Variants in PCDHA4 observed in about 807,000 individuals in gnomAD.
PCDHA4 encodes protocadherin alpha 4.
A neutral mutation model predicts 61.4 loss-of-function variants in PCDHA4; 49 were observed. The observed-to-expected ratio is 0.80, with a 90% CI of 0.63 to 1.01. The LOEUF (loss-of-function observed/expected upper bound fraction) is 1.01, where lower values mean the gene tolerates loss of function less well. Among genes scored for constraint, PCDHA4 ranks in the 50% least tolerant of loss-of-function variants. PCDHA4 has a pLI of 0.00. For synonymous variants in PCDHA4, 590 were observed against 550.3 expected, an observed-to-expected ratio of 1.07 and a Z score of -1.01; for missense variants, 1,254 against 1,235.8, an observed-to-expected ratio of 1.01 and a Z score of -0.22.
intron 3 of PCDHA4, among the ~76,000 whole-genome samples, chr5:140,990,233 G>A (rs782139012): frequency 5.3e-5 from 8 of 152,128 alleles, no homozygotes; most frequent in Non-Finnish European, 8.8e-5. Flanking sequence ...TGTAACTAGC[G>A]TTGTATTCCT....
chr5:140,834,270 C>T (rs2150214747), intron 1 of PCDHA4: 4 of 1,049,694 alleles, frequency 3.8e-6, no homozygotes, highest in Non-Finnish European at 5.6e-6. Flanking sequence ...CTCTCTTTCA[C>T]TCTTTGGATG....
At chr5:140,948,321 T>C (rs922752818) in intron 1 of PCDHA4, among the ~76,000 whole-genome samples, 7 of 151,748 alleles carry the variant, frequency 4.6e-5, no homozygotes, top group South Asian at 4.1e-4. Flanking sequence ...AGGGGTAATG[T>C]TTTCATTAGG....
intron 3 of PCDHA4, among the ~76,000 whole-genome samples, chr5:140,988,042 T>C (rs1365233473): frequency 1.3e-5 from 2 of 152,212 alleles, no homozygotes. Context: ...AGAATCTGTT[T>C]AGGAGCACTG....
chr5:140,918,632 C>A (rs1182828125), intron 1 of PCDHA4, among the ~76,000 whole-genome samples: 1 of 152,164 alleles, frequency 6.6e-6, no homozygotes, highest in Non-Finnish European at 1.5e-5. Flanking sequence ...TCCCCAAATT[C>A]ATAAATTGAA....
chr5:140,897,383 C>T (rs1554187365), intron 1 of PCDHA4, among the ~76,000 whole-genome samples: 1 of 143,902 alleles, frequency 6.9e-6, no homozygotes, highest in African/African-American at 2.6e-5. Flanking sequence ...CTTCCCCTTC[C>T]TGTGTCCATG....
Position 140,947,771 on chromosome 5 carries a change from T to C in PCDHA4, c.2386-31178T>C, listed in dbSNP as rs1167163964. ...TATTTTATGGTTTAAAAAATTCTAT[T>C]GTAAATGGATTTTAAACAGACTTTT... On this transcript the variant is annotated intron_variant, in intron 1 of 3. Transcript: ENST00000530339. 2.6e-5 allele frequency among the ~76,000 whole-genome samples: 4 copies of C among 151,706 alleles called. No individual in the cohort carries two copies. The East Asian group carries it at 5.8e-4, about 22-fold the overall frequency.
At chr5:140,859,562 C>A in intron 1 of PCDHA4, 1 of 176,644 alleles carries the variant, frequency 5.7e-6, no homozygotes, top group Non-Finnish European at 1.2e-5. Flanking sequence ...ACACCAATGC[C>A]ATGAATTTGT....
At chr5:140,848,250 C>A in intron 1 of PCDHA4, 1 of 460,454 alleles carries the variant, frequency 2.2e-6, no homozygotes, top group Non-Finnish European at 3.8e-6. Context: ...TGCAGAATAA[C>A]TGTGAAATTT....
chr5:140,842,857 G>A, intron 1 of PCDHA4: 1 of 1,594,002 alleles, frequency 6.3e-7, no homozygotes, highest in East Asian at 2.2e-5. Context: ...CGGTGCACAC[G>A]GAGAGCGGCA....
At chr5:140,967,252 G>A (rs199714982) in intron 1 of PCDHA4, 1 of 1,613,504 alleles carries the variant, frequency 6.2e-7, no homozygotes, top group Non-Finnish European at 8.5e-7. Flanking sequence ...AATCGGTGGC[G>A]CCTGGAGCGC....
chr5:140,852,980 G>C (rs782092693), intron 1 of PCDHA4: 1 of 347,518 alleles, frequency 2.9e-6, no homozygotes, highest in Non-Finnish European at 4.2e-6. Flanking sequence ...CCGTGTTCAC[G>C]CCATTCTCCT....
intron 1 of PCDHA4, chr5:140,835,910 A>C (rs2150248144): frequency 1.2e-6 from 2 of 1,612,256 alleles, no homozygotes; most frequent in Non-Finnish European, 1.7e-6. Context: ...GCTACGTGTC[A>C]GTGCACGCGG....
intron 1 of PCDHA4, among the ~76,000 whole-genome samples, chr5:140,935,745 T>C (rs564797649): frequency 6.6e-6 from 1 of 152,324 alleles, no homozygotes; most frequent in South Asian, 2.1e-4. Flanking sequence ...TATTATTCCA[T>C]ACAATACACA....
intron 1 of PCDHA4, chr5:140,869,294 T>C: frequency 1.9e-6 from 3 of 1,613,634 alleles, no homozygotes; most frequent in Non-Finnish European, 1.7e-6. Flanking sequence ...CAGCGCCTGT[T>C]CCGGGTGGCG....
At chr5:140,884,260 G>C (rs781862611) in intron 1 of PCDHA4, 1 of 1,613,410 alleles carries the variant, frequency 6.2e-7, no homozygotes, top group Admixed American at 1.7e-5. Flanking sequence ...CCACGGCAAC[G>C]GTGCTGTTGT....
At chr5:140,849,956 C>A in intron 1 of PCDHA4, 1 of 1,597,918 alleles carries the variant, frequency 6.3e-7, no homozygotes, top group African/African-American at 1.3e-5. Flanking sequence ...CGCAGGAGAA[C>A]GCCCTGGTGT....
At chr5:140,861,509 G>T in intron 1 of PCDHA4, 1 of 479,910 alleles carries the variant, frequency 2.1e-6, no homozygotes, top group Non-Finnish European at 4.3e-6. Context: ...ACCTCGAGGA[G>T]CTGTGTGGGA....
rs782442126 is a variant in PCDHA4 at position 140,807,611 on chromosome 5, A to G, written c.424A>G (p.Ile142Val). 6.8e-6 allele frequency: 11 copies of G among 1,614,108 alleles called. No individual in the cohort carries two copies. Among genetic ancestry groups the G allele is most frequent in the African/African-American group, 4.0e-5 (3 of 74,932 alleles). ...VFPATQKNLS[I>V]AESRPLDSRF... ...CCCAGCAACACAAAAGAACCTGTCC[A>G]TCGCGGAATCCAGGCCGCTTGACTC... The change falls in exon 1 of 4, where the codon ATC becomes GTC. Residue 142 changes from isoleucine (I) to valine (V), a missense_variant. Transcript: ENST00000530339.
chr5:140,870,106 G>A, intron 1 of PCDHA4: 3 of 1,613,922 alleles, frequency 1.9e-6, no homozygotes, highest in Non-Finnish European at 2.5e-6. Context: ...TCACTGTACA[G>A]TCTGGGTGGA....
Sources: gnomAD v4.1 joint callset for allele counts (sites outside exome capture counted in the v4.1 genomes callset) on GRCh38, gnomAD v4.1.1 for gene constraint, MANE v1.5 for transcripts, NCBI Gene and HGNC (gene_info 2026-07-23, HGNC 2026-07-21) for gene names.